SYTL4: variants seen among roughly 807,000 people sequenced by gnomAD.
SYTL4 encodes the protein synaptotagmin-like protein 4.
A neutral mutation model predicts 52.7 loss-of-function variants in SYTL4; 16 were observed. The observed-to-expected ratio is 0.30, with a 90% confidence interval of 0.21 to 0.46. The LOEUF (loss-of-function observed/expected upper bound fraction) is 0.46, where lower values mean the gene tolerates loss of function less well. Among genes scored for constraint, SYTL4 ranks in the 20% least tolerant of loss-of-function variants. The probability of loss-of-function intolerance (pLI) is 1.00; values close to 1 mark genes in which losing one functional copy is unlikely to be tolerated. For synonymous variants in SYTL4, 160 were observed against 186.6 expected, an observed-to-expected ratio of 0.86 and a Z score of 1.16; for missense variants, 423 against 519.9, an observed-to-expected ratio of 0.81 and a Z score of 1.81.
At chrX:100,729,198 G>A (rs2084588844) in intron 2 of SYTL4, among the ~76,000 whole-genome samples, 1 of 111,216 alleles carries the variant, frequency 9.0e-6, no homozygotes, top group African/African-American at 3.3e-5. Flanking sequence ...TTAGTTTCAG[G>A]TCCAGGAGTG....
intron 8 of SYTL4, among the ~76,000 whole-genome samples, chrX:100,695,821 T>A (rs902141634): frequency 8.9e-6 from 1 of 112,117 alleles, no homozygotes; most frequent in Non-Finnish European, 1.9e-5. Flanking sequence ...TATCTTTCAC[T>A]CCCAAAGGTT....
chrX:100,707,885 T>C (rs1287322727), intron 2 of SYTL4, among the ~76,000 whole-genome samples: 2 of 111,655 alleles, frequency 1.8e-5, no homozygotes, highest in East Asian at 5.6e-4. Context: ...TCAGATGAAG[T>C]ATCTTAATAT....
rs1207652846 is a variant in SYTL4, at chrX:100,687,141, G to T, written c.1110C>A (p.Thr370=). 1.7e-6 allele frequency: 2 copies of T among 1,211,404 alleles called. No homozygotes were observed. The part of the protein sequence containing the change: ...IAFSLKYEQQ[T]QSLVVHVKEC... ...CCTTCACATGGACAACCAGACTCTG[G>T]GTTTGCTGCTCATACTTCAGGGAAA... is the stretch of plus-strand genomic sequence containing the variant. The change falls in exon 14 of 20, where the codon ACC becomes ACA. Residue 370 remains threonine, a synonymous_variant. Transcript: ENST00000372989.
At chrX:100,718,065 C>T (rs2084264706) in intron 2 of SYTL4, among the ~76,000 whole-genome samples, 1 of 111,988 alleles carries the variant, frequency 8.9e-6, no homozygotes, top group African/African-American at 3.2e-5. Flanking sequence ...CTGCCTATGG[C>T]TTTGAGGATT....
chrX:100,689,436 G>A (rs1377971197), intron 12 of SYTL4, among the ~76,000 whole-genome samples: 2 of 106,070 alleles, frequency 1.9e-5, no homozygotes, highest in African/African-American at 6.9e-5. Context: ...TCAGGAGTTT[G>A]CGACCAGCCT....
At chrX:100,700,446 A>C (rs762874242) in intron 8 of SYTL4, among the ~76,000 whole-genome samples, 7 of 111,876 alleles carry the variant, frequency 6.3e-5, no homozygotes, top group African/African-American at 2.3e-4. Flanking sequence ...GATGATTTTA[A>C]TTTATTATAC....
intron 15 of SYTL4, 113 bp downstream of exon 15, chrX:100,686,566 C>A: frequency 1.9e-6 from 1 of 514,612 alleles, no homozygotes; most frequent in South Asian, 3.3e-5. Flanking sequence ...TATCCTCAGA[C>A]ACAGACATGG....
chrX:100,679,792 CATCT>C (rs1331179169), intron 17 of SYTL4, among the ~76,000 whole-genome samples: 3 of 111,578 alleles, frequency 2.7e-5, no homozygotes, highest in African/African-American at 9.8e-5. Context: ...GGAACTCCTC[CATCT>C]GAGTTCTCGA....
chrX:100,703,056 A>C, intron 4 of SYTL4, 37 bp downstream of exon 4: 1 of 111,462 alleles, frequency 9.0e-6, no homozygotes, highest in East Asian at 2.8e-4. Flanking sequence ...ACTTTTTTAA[A>C]ATTTTAAGAA....
rs532591221 is a variant in SYTL4 at position 100,687,257 on chromosome X, G to A, written c.1006-12C>T. The A allele has an allele frequency of 8.3e-7, 1 of 1,205,001 alleles. No homozygotes were observed. Among genetic ancestry groups the A allele is most frequent in the South Asian group, 1.8e-5 (1 of 55,867 alleles). ...CTGCCGATCGTACTCTGAAGATAAA[G>A]CACCCACGAACATCTGGGGAAGGCA... On this transcript the variant is annotated splice_polypyrimidine_tract_variant and intron_variant, in intron 13 of 19. Coordinates refer to ENST00000372989, the MANE Select transcript of SYTL4 (RefSeq NM_001370165.1).
chrX:100,704,309 C>T (rs1035805227), intron 3 of SYTL4, among the ~76,000 whole-genome samples: 4 of 111,929 alleles, frequency 3.6e-5, no homozygotes, highest in African/African-American at 9.7e-5. Flanking sequence ...ATCTACAAAA[C>T]GACCCACCTC....
At chrX:100,695,677 C>T (rs1341658004) in intron 8 of SYTL4, among the ~76,000 whole-genome samples, 1 of 111,988 alleles carries the variant, frequency 8.9e-6, no homozygotes, top group African/African-American at 3.2e-5. Flanking sequence ...ATGTTATATC[C>T]TTCTACAATT....
chrX:100,703,154 A>G lies in SYTL4; in HGVS notation c.-132T>C, dbSNP rs2083889826. On this transcript the variant is annotated 5_prime_UTR_variant, in exon 4 of 20. Transcript: ENST00000372989. ...GATCTCTTGAGCCTAGGAGTTCAAG[A>G]CCAGCCTGGGCAACACAGGGCGACT... The G allele has an allele frequency of 9.0e-6, 1 of 111,269 alleles. No individual in the cohort carries two copies. The highest frequency in any genetic ancestry group is 3.3e-5 in the African/African-American group (1 of 30,535). The allele number at this position is 111,269 out of a possible 1,213,427, so 9.2% of individuals were successfully genotyped here. A position where few individuals can be genotyped will look rare whatever the true frequency, so the allele number is the denominator to read the frequency against.
chrX:100,679,541 C>T (rs780709700), intron 17 of SYTL4, 129 bp from the exon 18 acceptor site: 2 of 495,396 alleles, frequency 4.0e-6, no homozygotes, highest in Admixed American at 3.2e-5. Context: ...CGTGCCTGTC[C>T]TGTCTCCTCA....
intron 8 of SYTL4, among the ~76,000 whole-genome samples, chrX:100,699,079 A>G (rs1161780387): frequency 9.0e-6 from 1 of 111,731 alleles, no homozygotes; most frequent in Non-Finnish European, 1.9e-5. Context: ...TAGAAAAATG[A>G]AAACAGGCCA....
In SYTL4 at chrX:100,690,497, A is replaced by G. The variant is rs192054983; in HGVS notation, c.717+66T>C. 10,344 of 882,392 alleles carry G rather than the reference A, an allele frequency of 0.012. 659 individuals are homozygous for G. The African/African-American group carries it at 0.18, about 15-fold the overall frequency. 72.7% of individuals were successfully genotyped at this position (882,392 alleles called of 1,213,427 possible). A position where few individuals can be genotyped will look rare whatever the true frequency, so the allele number is the denominator to read the frequency against. On this transcript the variant is annotated intron_variant, in intron 10 of 19. Transcript: ENST00000372989. The stretch of plus-strand genomic sequence containing the variant: ...GGGAGGGAGGGAAAGACGGAGGGAG[A>G]CAGGAGGTAAAGGAGAAAGGGAAGG...
At chrX:100,715,380 C>T in intron 2 of SYTL4, among the ~76,000 whole-genome samples, 1 of 111,386 alleles carries the variant, frequency 9.0e-6, no homozygotes, top group East Asian at 2.8e-4. Context: ...TTTATAAATA[C>T]TTATTTTAGG....
intron 2 of SYTL4, among the ~76,000 whole-genome samples, chrX:100,716,563 A>AG (rs1569414092): frequency 5.6e-5 from 6 of 106,477 alleles, no homozygotes; most frequent in African/African-American, 2.0e-4. Flanking sequence ...AAAAAAAAAA[A>AG]AAAGAAAAAA....
At chrX:100,724,757 C>G (rs747530262) in intron 2 of SYTL4, among the ~76,000 whole-genome samples, 4 of 107,131 alleles carry the variant, frequency 3.7e-5, no homozygotes, top group Non-Finnish European at 5.8e-5. Context: ...GTCCTCTGGC[C>G]TAGGAAAACC....
Sources: gnomAD v4.1 joint callset for allele counts (sites outside exome capture counted in the v4.1 genomes callset) on GRCh38, gnomAD v4.1.1 for gene constraint, MANE v1.5 for transcripts, NCBI Gene and HGNC (gene_info 2026-07-23, HGNC 2026-07-21) for gene names.